TOM1: variants seen among roughly 807,000 people sequenced by gnomAD.
The protein encoded by TOM1 is target of myb1 membrane trafficking protein.
Under a neutral mutation model 61.3 loss-of-function variants are expected in TOM1, and 38 were observed. That is an observed-to-expected ratio of 0.62 (90% CI 0.48 to 0.81). TOM1 has a LOEUF of 0.81. Ranked by LOEUF, TOM1 falls within the 40% of genes least tolerant of loss-of-function variation. TOM1 has a pLI of 0.00. For synonymous variants in TOM1, 270 were observed against 268.8 expected, an observed-to-expected ratio of 1.00 and a Z score of -0.04; for missense variants, 591 against 659.6, an observed-to-expected ratio of 0.90 and a Z score of 1.14.
chr22:35,335,990 G>C (rs759330819), intron 11 of TOM1, among the ~76,000 whole-genome samples: 8 of 152,180 alleles, frequency 5.3e-5, no homozygotes, highest in Admixed American at 3.3e-4. Context: ...CACAGGGAAG[G>C]GGGCAGGATG....
intron 8 of TOM1, 29 bp from the exon 9 acceptor site, chr22:35,332,952 C>A: frequency 6.2e-7 from 1 of 1,613,900 alleles, no homozygotes; most frequent in Non-Finnish European, 8.5e-7. Flanking sequence ...CAGTCTGTCT[C>A]CATAACTCGT....
At chr22:35,321,087 T>C (rs970590217) in intron 2 of TOM1, among the ~76,000 whole-genome samples, 4 of 151,208 alleles carry the variant, frequency 2.6e-5, no homozygotes, top group African/African-American at 9.7e-5. Flanking sequence ...CAGGGACTCA[T>C]GCCTGTAATC....
At chr22:35,330,738 A>C (rs1246241122) in intron 8 of TOM1, among the ~76,000 whole-genome samples, 2 of 152,176 alleles carry the variant, frequency 1.3e-5, no homozygotes, top group East Asian at 1.9e-4. Context: ...GGAGATGGTC[A>C]CAGGTCACAG....
Position 35,334,200 on chromosome 22 carries a change from G to A in TOM1, c.1028-128G>A, listed in dbSNP as rs188224054. On this transcript the variant is annotated intron_variant, in intron 10 of 14. Transcript: ENST00000449058. ...CAGCCAGCAGCAGGTGGCCTGCCTC[G>A]CGCATTCCCCCACCCACACGTGCCA... is the stretch of plus-strand genomic sequence containing the variant. The A allele has an allele frequency of 4.5e-4, 597 of 1,321,352 alleles. 2 individuals carry two copies. In the African/African-American group the frequency reaches 6.3e-3, roughly 14 times the overall value. 81.9% of individuals were successfully genotyped at this position (1,321,352 alleles called of 1,614,324 possible). A position where few individuals can be genotyped will look rare whatever the true frequency, so the allele number is the denominator to read the frequency against.
chr22:35,311,674 A>G (rs892831855), intron 1 of TOM1, among the ~76,000 whole-genome samples: 15 of 152,234 alleles, frequency 9.9e-5, no homozygotes, highest in Admixed American at 3.9e-4. Flanking sequence ...TCACAGGGAC[A>G]GAGCAGAGTG....
chr22:35,330,672 G>A (rs998282503), intron 8 of TOM1, among the ~76,000 whole-genome samples, 192 bp downstream of exon 8: 10 of 152,226 alleles, frequency 6.6e-5, no homozygotes, highest in East Asian at 3.9e-4. Flanking sequence ...CCTTCCAGCC[G>A]CCCTGTATCT....
intron 14 of TOM1, 23 bp downstream of exon 14, chr22:35,346,992 G>T (rs375089799): frequency 2.6e-6 from 2 of 756,300 alleles, no homozygotes; most frequent in Non-Finnish European, 2.2e-6. Flanking sequence ...GCCCCTGCCC[G>T]CCCTCTCCTT....
rs534830631 is a variant in TOM1, at chr22:35,330,440, G to A, written c.859G>A (p.Val287Ile). 18 of 1,613,326 alleles carry A rather than the reference G, an allele frequency of 1.1e-5. No homozygotes were observed. Among genetic ancestry groups the A allele is most frequent in the Middle Eastern group, 1.7e-4 (1 of 6,058 alleles). ...GCAGCTGACAGAGGAGCTGCTCATC[G>A]TCAATGACAATCTCAACAATGTGTT... ...NEQLTEELLI[V>I]NDNLNNVFLR... The change falls in exon 8 of 15, where the codon GTC becomes ATC. Residue 287 changes from valine to isoleucine, a missense_variant. By Grantham distance (29) the Val-to-Ile change is conservative (BLOSUM62 3). Coordinates refer to ENST00000449058, the MANE Select transcript of TOM1 (RefSeq NM_005488.3).
Position 35,333,105 on chromosome 22 carries a change from G to A in TOM1, c.933+91G>A, listed in dbSNP as rs989677317. The A allele has an allele frequency of 5.8e-6, 8 of 1,378,552 alleles. No individual in the cohort carries two copies. In the East Asian group the frequency reaches 1.6e-4, roughly 28 times the overall value. 85.4% of individuals were successfully genotyped at this position (1,378,552 alleles called of 1,614,324 possible). A position where few individuals can be genotyped will look rare whatever the true frequency, so the allele number is the denominator to read the frequency against. ...CCTCCCTCCCCTAGTAAACTGGACA[G>A]GGTGGTGCTGTCTTATCCAGGCCCA... On this transcript the variant is annotated intron_variant, in intron 9 of 14. Transcript: ENST00000449058.
chr22:35,346,594 G>T (rs576286010), intron 13 of TOM1, among the ~76,000 whole-genome samples: 4 of 152,304 alleles, frequency 2.6e-5, no homozygotes, highest in South Asian at 4.2e-4. Flanking sequence ...ACTCATCAAG[G>T]TCCCACTGGG....
At chr22:35,307,088 A>G (rs552376468) in intron 1 of TOM1, among the ~76,000 whole-genome samples, 3 of 151,754 alleles carry the variant, frequency 2.0e-5, no homozygotes, top group East Asian at 1.9e-4. Context: ...CCATCACCCC[A>G]TGAGAAGCAG....
At chr22:35,340,554 C>T (rs1029671020) in intron 12 of TOM1, among the ~76,000 whole-genome samples, 9 of 152,020 alleles carry the variant, frequency 5.9e-5, no homozygotes, top group African/African-American at 2.2e-4. Context: ...CAAGACCAAC[C>T]TGGGCAACAT....
rs182163646 is a variant in TOM1 at position 35,341,229 on chromosome 22, A to C, written c.1224+2441A>C. Reference sequence around the variant, plus strand: ...GATGAGAAAACTGAGTTCCAGGAAGAGCTTAAGTGAAACCACAGGTGTACT... The same window carrying C: ...GATGAGAAAACTGAGTTCCAGGAAGCGCTTAAGTGAAACCACAGGTGTACT... On this transcript the variant is annotated intron_variant, in intron 12 of 14. Coordinates refer to ENST00000449058, the MANE Select transcript of TOM1 (RefSeq NM_005488.3). Among the ~76,000 whole-genome samples, 686 of 152,282 alleles carry C rather than the reference A, an allele frequency of 4.5e-3. 4 individuals are homozygous for C. Among genetic ancestry groups the C allele is most frequent in the African/African-American group, 0.015 (637 of 41,550 alleles).
In TOM1 at chr22:35,303,131, A is replaced by AACACACACACACACACAC. The variant is rs138739; in HGVS notation, c.52+3152_52+3169dup. Among the ~76,000 whole-genome samples the AACACACACACACACACAC allele has an allele frequency of 3.8e-3, 572 of 149,272 alleles. 8 individuals are homozygous for AACACACACACACACACAC. Among genetic ancestry groups the AACACACACACACACACAC allele is most frequent in the African/African-American group, 0.014 (551 of 40,718 alleles). On this transcript the variant is annotated intron_variant, in intron 1 of 14. Transcript: ENST00000449058. ...AAAGTTCTCATCCACCTCCCCTCCCAACACACACACACACACACCCCTTTG... is the reference window on the plus strand; with the variant it reads ...AAAGTTCTCATCCACCTCCCCTCCCAACACACACACACACACACACACACACACACACACACCCCTTTG...
At chr22:35,307,499 A>G (rs921668867) in intron 1 of TOM1, among the ~76,000 whole-genome samples, 8 of 152,230 alleles carry the variant, frequency 5.3e-5, no homozygotes, top group African/African-American at 1.9e-4. Context: ...TCTCCGCATC[A>G]GAAGAGCTGG....
chr22:35,327,865 T>C (rs1269924707), intron 7 of TOM1, among the ~76,000 whole-genome samples: 1 of 152,124 alleles, frequency 6.6e-6, no homozygotes, highest in Admixed American at 6.5e-5. Context: ...CAGGTGGAGC[T>C]AGTGGTTCCT....
chr22:35,317,456 G>A (rs1246899399), intron 1 of TOM1, among the ~76,000 whole-genome samples: 1 of 152,094 alleles, frequency 6.6e-6, no homozygotes, highest in African/African-American at 2.4e-5. Context: ...CCAAAGTGCT[G>A]GGATTACAGG....
chr22:35,323,338 C>T lies in TOM1; in HGVS notation c.367-158C>T. ...GTGGGATGTTCTGTGGGGAGGGAGGCTTGCCAACTGCGTGCTTTGCTGTGG... is the reference window on the plus strand; with the variant it reads ...GTGGGATGTTCTGTGGGGAGGGAGGTTTGCCAACTGCGTGCTTTGCTGTGG... On this transcript the variant is annotated intron_variant, in intron 4 of 14. Transcript: ENST00000449058. The surrounding 1 kb of genome is among the most constrained non-coding windows in gnomAD (Gnocchi z 4.2). The T allele has an allele frequency of 7.4e-7, 1 of 1,358,018 alleles. No individual in the cohort carries two copies. The highest frequency in any genetic ancestry group is 1.0e-6 in the Non-Finnish European group (1 of 991,388). The allele number at this position is 1,358,018 out of a possible 1,614,324, so 84.1% of individuals were successfully genotyped here.
intron 8 of TOM1, among the ~76,000 whole-genome samples, chr22:35,331,994 A>C (rs1044954722): frequency 6.6e-6 from 1 of 152,148 alleles, no homozygotes; most frequent in African/African-American, 2.4e-5. Context: ...CATAAGTGAG[A>C]GTCCATGAAA....
Sources: allele counts gnomAD v4.1 joint callset (sites outside exome capture counted in the v4.1 genomes callset), GRCh38; gene constraint gnomAD v4.1.1; non-coding constraint Gnocchi (gnomAD v3.1); transcripts MANE v1.5; gene names NCBI Gene and HGNC (gene_info 2026-07-23, HGNC 2026-07-21).